SHANK2: variants seen among roughly 807,000 people sequenced by gnomAD.
The protein encoded by SHANK2 is SH3 and multiple ankyrin repeat domains protein 2.
A neutral mutation model predicts 133.7 loss-of-function variants in SHANK2; 43 were observed. That is an observed-to-expected ratio of 0.32 (90% CI 0.25 to 0.41). The LOEUF (loss-of-function observed/expected upper bound fraction) is 0.41, where lower values mean the gene tolerates loss of function less well. SHANK2 is among the 10% of genes least tolerant of loss of function. The pLI is 1.00. For missense variants in SHANK2, 1,994 were observed against 2,235.8 expected, an observed-to-expected ratio of 0.89 and a Z score of 2.18; for synonymous variants, 1,017 against 952.8, an observed-to-expected ratio of 1.07 and a Z score of -1.24.
At chr11:70,636,721 A>G (rs1555004338) in intron 17 of SHANK2, among the ~76,000 whole-genome samples, 2 of 150,468 alleles carry the variant, frequency 1.3e-5, no homozygotes, top group African/African-American at 4.9e-5. Context: ...ATGTGCGAGG[A>G]TGCATGATGT....
chr11:70,860,502 A>T (rs574626779), intron 11 of SHANK2, among the ~76,000 whole-genome samples: 1 of 152,216 alleles, frequency 6.6e-6, no homozygotes, highest in Non-Finnish European at 1.5e-5. Context: ...TCGTCTGTCC[A>T]TCTTCAATCC....
At position 70,471,355 on chromosome 11, in the gene SHANK2, A is replaced by G. The variant is rs1266261744; in HGVS notation, c.*1514T>C. On this transcript the variant is annotated 3_prime_UTR_variant, in exon 26 of 26. Coordinates refer to ENST00000601538, the MANE Select transcript of SHANK2 (RefSeq NM_012309.5). This position sits in a 1 kb window ranked among gnomAD's most constrained non-coding sequence, Gnocchi z 4.1. ...AAAACCAAAAACCTGACATTCGAGTATCCTCCAAATGGGGGAGAATGTGCT... is the reference window on the plus strand; with the variant it reads ...AAAACCAAAAACCTGACATTCGAGTGTCCTCCAAATGGGGGAGAATGTGCT... 7.5e-6 allele frequency: 3 copies of G among 398,880 alleles called. No individual in the cohort carries two copies. Among genetic ancestry groups the G allele is most frequent in the Non-Finnish European group, 1.3e-5 (3 of 226,078 alleles). 24.7% of individuals were successfully genotyped at this position (398,880 alleles called of 1,614,324 possible).
At chr11:70,721,147 G>T (rs188641425) in intron 14 of SHANK2, among the ~76,000 whole-genome samples, 1 of 152,156 alleles carries the variant, frequency 6.6e-6, no homozygotes. Flanking sequence ...CTCCACCGAC[G>T]TCTAGGGAGA....
In SHANK2 at chr11:70,471,195, A is replaced by G. The variant is rs919047261; in HGVS notation, c.*1674T>C. 3.5e-5 allele frequency: 14 copies of G among 398,810 alleles called. No homozygotes were observed. The highest frequency in any genetic ancestry group is 1.9e-4 in the African/African-American group (9 of 48,614). 24.7% of individuals were successfully genotyped at this position (398,810 alleles called of 1,614,324 possible). ...ACAACTATTTAAACTTGCAGTAAAG[A>G]AAGATTTTAAATTGCTAAATTTTAT... On this transcript the variant is annotated 3_prime_UTR_variant, in exon 26 of 26. Transcript: ENST00000601538. The surrounding 1 kb of genome is among the most constrained non-coding windows in gnomAD (Gnocchi z 4.1).
At chr11:70,750,893 C>T (rs61886456) in intron 14 of SHANK2, among the ~76,000 whole-genome samples, 49,756 of 152,004 alleles carry the variant, frequency 0.33, 8,483 homozygotes, top group Non-Finnish European at 0.36. Flanking sequence ...TGATCTCAAC[C>T]AAGTGCTCAT....
At chr11:70,751,710 G>A (rs1054606940) in intron 14 of SHANK2, among the ~76,000 whole-genome samples, 7 of 152,212 alleles carry the variant, frequency 4.6e-5, no homozygotes, top group East Asian at 1.9e-4. Flanking sequence ...TTTAATACAC[G>A]TGATAGCTAC....
intron 17 of SHANK2, among the ~76,000 whole-genome samples, chr11:70,625,708 T>A (rs990927562): frequency 1.3e-5 from 2 of 149,988 alleles, no homozygotes; most frequent in Non-Finnish European, 1.5e-5. Flanking sequence ...TCTCCTCTTT[T>A]ACTCAGGCCC....
At chr11:70,566,060 C>T (rs890744993) in intron 17 of SHANK2, among the ~76,000 whole-genome samples, 2 of 152,168 alleles carry the variant, frequency 1.3e-5, no homozygotes, top group Non-Finnish European at 2.9e-5. Context: ...TACATGGCAG[C>T]AGGCAAGAGA....
chr11:70,862,492 T>C (rs1163365844), intron 11 of SHANK2, among the ~76,000 whole-genome samples: 1 of 152,092 alleles, frequency 6.6e-6, no homozygotes, highest in East Asian at 1.9e-4. Flanking sequence ...GACTGGCTGA[T>C]GGACAGGACT....
intron 2 of SHANK2, among the ~76,000 whole-genome samples, chr11:71,162,035 C>T (rs1378348413): frequency 6.6e-6 from 1 of 152,208 alleles, no homozygotes; most frequent in Non-Finnish European, 1.5e-5. Context: ...TGAGACACCC[C>T]TGTAGCATTT....
chr11:70,742,687 C>A (rs1224061499), intron 14 of SHANK2, among the ~76,000 whole-genome samples: 1 of 152,184 alleles, frequency 6.6e-6, no homozygotes. Context: ...TGTTTAGGCT[C>A]AAAAGGAGGC....
chr11:70,883,047 G>A (rs1488651742), intron 11 of SHANK2, among the ~76,000 whole-genome samples: 6 of 152,122 alleles, frequency 3.9e-5, no homozygotes, highest in South Asian at 2.1e-4. Flanking sequence ...GTGAAGGGGC[G>A]GCTCCGGAGT....
intron 3 of SHANK2, among the ~76,000 whole-genome samples, chr11:71,141,293 G>C (rs1555105730): frequency 6.6e-6 from 1 of 151,640 alleles, no homozygotes. Context: ...AGGCGTTCGA[G>C]ACCAGCCTGG....
intron 25 of SHANK2, chr11:70,475,116 G>C (rs1156967140): frequency 6.6e-6 from 1 of 152,278 alleles, no homozygotes; most frequent in African/African-American, 2.4e-5. Context: ...TCATCGACTT[G>C]CACTGGGGCT....
Position 71,107,114 on chromosome 11 carries a change from C to A in SHANK2, c.592+2827G>T, listed in dbSNP as rs556138638. On this transcript the variant is annotated intron_variant, in intron 6 of 25. Transcript: ENST00000601538. Reference sequence around the variant, plus strand: ...TGGGTAACAGGGGGAGACCCTGTCTCAAAAAAAAAGAAAGGGGAGTGGAGG... The same window carrying A: ...TGGGTAACAGGGGGAGACCCTGTCTAAAAAAAAAAGAAAGGGGAGTGGAGG... Among the ~76,000 whole-genome samples, 1,097 of 149,742 alleles carry A rather than the reference C, an allele frequency of 7.3e-3. 8 individuals are homozygous for A. Among genetic ancestry groups the A allele is most frequent in the African/African-American group, 0.026 (1,043 of 40,832 alleles).
intron 14 of SHANK2, among the ~76,000 whole-genome samples, chr11:70,793,858 C>A (rs1362842548): frequency 3.9e-5 from 6 of 152,188 alleles, no homozygotes; most frequent in African/African-American, 1.4e-4. Flanking sequence ...AAAAGACTCA[C>A]ACAAAAACCT....
chr11:70,868,101 T>C (rs982962852), intron 11 of SHANK2, among the ~76,000 whole-genome samples: 12 of 152,244 alleles, frequency 7.9e-5, no homozygotes, highest in Admixed American at 7.9e-4. Flanking sequence ...CTCCTTAGCA[T>C]TTGACAGCAT....
intron 6 of SHANK2, among the ~76,000 whole-genome samples, chr11:71,105,320 C>T (rs1443119443): frequency 5.3e-5 from 8 of 152,116 alleles, no homozygotes; most frequent in African/African-American, 1.2e-4. Context: ...AGGTTGAGTG[C>T]GGTGGCTCAC....
chr11:70,574,650 C>T (rs1429630822), intron 17 of SHANK2, among the ~76,000 whole-genome samples: 3 of 129,622 alleles, frequency 2.3e-5, no homozygotes, highest in Non-Finnish European at 5.1e-5. Flanking sequence ...CCTGGCTCCA[C>T]CACGGAGCAG....
Sources: allele counts gnomAD v4.1 joint callset (sites outside exome capture counted in the v4.1 genomes callset), GRCh38; gene constraint gnomAD v4.1.1; non-coding constraint Gnocchi (gnomAD v3.1); transcripts MANE v1.5; gene names NCBI Gene and HGNC (gene_info 2026-07-23, HGNC 2026-07-21).